Variants in TMCO6 observed in about 807,000 individuals in gnomAD.
TMCO6 encodes the protein transmembrane and coiled-coil domains 6, also known as transmembrane and coiled-coil domain-containing protein 6.
A neutral mutation model predicts 61.8 loss-of-function variants in TMCO6; 47 were observed. The ratio of observed to expected loss-of-function variants is 0.76; its 90% CI spans 0.60 to 0.97. TMCO6 has a LOEUF of 0.97. TMCO6 is among the 50% of genes least tolerant of loss of function. The pLI is 0.00. For synonymous variants in TMCO6, 261 were observed against 254.2 expected, an observed-to-expected ratio of 1.03 and a Z score of -0.25; for missense variants, 557 against 601.6, an observed-to-expected ratio of 0.93 and a Z score of 0.78.
chr5:140,604,503 T>G, the TMCO6 span, among the ~76,000 whole-genome samples: 2 of 151,990 alleles, frequency 1.3e-5, no homozygotes, highest in Non-Finnish European at 2.9e-5. Flanking sequence ...ATTTTCATAA[T>G]TTTCTCCTAT....
chr5:140,607,163 A>G, the TMCO6 span, among the ~76,000 whole-genome samples: 1 of 152,294 alleles, frequency 6.6e-6, no homozygotes, highest in Non-Finnish European at 1.5e-5. Context: ...CATCCTAAAC[A>G]GAAACTCTGT....
the TMCO6 span, among the ~76,000 whole-genome samples, chr5:140,610,377 T>C: frequency 2.5e-4 from 38 of 151,918 alleles, no homozygotes; most frequent in Non-Finnish European, 4.7e-4. Flanking sequence ...CAGAAAGTTT[T>C]AGTAGGAACA....
At chr5:140,613,891 TTTG>T in the TMCO6 span, among the ~76,000 whole-genome samples, 7 of 150,608 alleles carry the variant, frequency 4.6e-5, no homozygotes, top group East Asian at 2.0e-4. Context: ...ATCGTTTTTT[TTTG>T]TTGTTGTTGT....
the TMCO6 span, chr5:140,632,963 C>T: frequency 2.5e-6 from 4 of 1,614,030 alleles, no homozygotes; most frequent in African/African-American, 5.3e-5. This position sits in a 1 kb window ranked among gnomAD's most constrained non-coding sequence, Gnocchi z 6.2. Flanking sequence ...GCAGCAGCAA[C>T]AAGCAGGACG....
chr5:140,639,355 C>T, upstream of TMCO6: 1 of 635,688 alleles, frequency 1.6e-6, no homozygotes. Context: ...GCCCACCGTC[C>T]CCGCGAGGCG....
At position 140,643,958 on chromosome 5, in the gene TMCO6, A is replaced by T; in HGVS notation, c.1097A>T (p.Asn366Ile). ...CCTGAGGGCCTTTGGCTCCTCAACA[A>T]CCTCACTGGTACGCACCATAATCTG... is the stretch of plus-strand genomic sequence containing the variant. ...LLPEGLWLLN[N>I]LTANSPSFCT... Residue 366 changes from asparagine (N) to isoleucine (I), a missense_variant, in exon 9 of 12, where the codon AAC becomes ATC. Transcript: ENST00000394671. 1 of 1,613,980 alleles carries T rather than the reference A, an allele frequency of 6.2e-7. No homozygotes were observed. Among genetic ancestry groups the T allele is most frequent in the East Asian group, 2.2e-5 (1 of 44,878 alleles).
At chr5:140,645,701 CTT>C (rs756710673), downstream of TMCO6, 5 of 1,614,160 alleles carry the variant, frequency 3.1e-6, no homozygotes, top group Admixed American at 1.7e-5. Context: ...AGGGAGGTGT[CTT>C]TAACTATTCT....
rs777139234 is a variant in TMCO6, at chr5:140,641,979, A to G, written c.424A>G (p.Thr142Ala). Residue 142 changes from threonine to alanine, a missense_variant, in exon 4 of 12, where the codon ACT becomes GCT. By Grantham distance (58) the Thr-to-Ala change is moderately conservative. Transcript: ENST00000394671. Reference protein sequence around the residue: ...LHELSHSEQSTVAEACLPATS... With the variant: ...LHELSHSEQSAVAEACLPATS... ...TGAGCTCTCTCACTCCGAGCAGTCCACTGTTGCTGAGGCCTGCCTGCCAGC... is the reference window on the plus strand; with the variant it reads ...TGAGCTCTCTCACTCCGAGCAGTCCGCTGTTGCTGAGGCCTGCCTGCCAGC... The G allele has an allele frequency of 6.2e-7, 1 of 1,613,794 alleles. No homozygotes were observed.
chr5:140,609,400 A>G, the TMCO6 span: 1 of 244,558 alleles, frequency 4.1e-6, no homozygotes, highest in Non-Finnish European at 8.7e-6. Flanking sequence ...CCCACAAGGA[A>G]TGAGCCACCC....
At chr5:140,626,233 C>CT in the TMCO6 span, among the ~76,000 whole-genome samples, 79,003 of 149,176 alleles carry the variant, frequency 0.53, 20,995 homozygotes, top group African/African-American at 0.56. Flanking sequence ...GCCCAGTCTT[C>CT]TTTTTTTTTT....
the TMCO6 span, chr5:140,632,020 C>T: frequency 6.2e-7 from 1 of 1,614,210 alleles, no homozygotes. This position sits in a 1 kb window ranked among gnomAD's most constrained non-coding sequence, Gnocchi z 6.2. Context: ...GTCAGGTTAT[C>T]CACCTCGGGC....
chr5:140,629,942 A>AT, the TMCO6 span, among the ~76,000 whole-genome samples: 5 of 151,920 alleles, frequency 3.3e-5, no homozygotes, highest in African/African-American at 1.2e-4. Flanking sequence ...TCAAAAAAAA[A>AT]AAAAAAAGGA....
At chr5:140,616,698 T>C in the TMCO6 span, among the ~76,000 whole-genome samples, 4 of 152,142 alleles carry the variant, frequency 2.6e-5, no homozygotes, top group Non-Finnish European at 5.9e-5. Context: ...GGTTAATAAC[T>C]AGAATATATG....
At chr5:140,602,245 C>A in the TMCO6 span, among the ~76,000 whole-genome samples, 1 of 152,178 alleles carries the variant, frequency 6.6e-6, no homozygotes. Flanking sequence ...ACTTCCTACA[C>A]TTGCAATCTC....
At chr5:140,613,343 C>T in the TMCO6 span, among the ~76,000 whole-genome samples, 4 of 139,420 alleles carry the variant, frequency 2.9e-5, no homozygotes, top group East Asian at 7.1e-4. Context: ...GAGCCGAGAT[C>T]GTGCCACTGT....
chr5:140,639,559 C>A lies in TMCO6; in HGVS notation c.32C>A (p.Pro11His). Residue 11 changes from proline (P) to histidine (H), a missense_variant, in exon 1 of 12, where the codon CCC becomes CAC. Transcript: ENST00000394671. MWSRRQGRLR[P>H]TVCGVEELRR... is the part of the protein sequence containing the mutation. Reference sequence around the variant, plus strand: ...AGCCGACGGCAGGGCCGCCTCAGGCCCACGGTCTGCGGGGTGGAGGAGCTA... The same window carrying A: ...AGCCGACGGCAGGGCCGCCTCAGGCACACGGTCTGCGGGGTGGAGGAGCTA... 6.5e-7 allele frequency: 1 copy of A among 1,549,230 alleles called. No homozygotes were observed. Among genetic ancestry groups the A allele is most frequent in the East Asian group, 2.4e-5 (1 of 40,896 alleles).
At chr5:140,607,791 C>CTT in the TMCO6 span, among the ~76,000 whole-genome samples, 133 of 138,022 alleles carry the variant, frequency 9.6e-4, no homozygotes, top group African/African-American at 1.5e-3. Context: ...TTTCTATTTT[C>CTT]TTTTTTTTTT....
chr5:140,643,086 C>T, intron 7 of TMCO6, 45 bp downstream of exon 7: 1 of 1,612,970 alleles, frequency 6.2e-7, no homozygotes, highest in Non-Finnish European at 8.5e-7. Flanking sequence ...CCCTGGGGCT[C>T]CCTTCCATGA....
In TMCO6 at chr5:140,642,229, G is replaced by A. The variant is rs1581463151; in HGVS notation, c.499-86G>A. On this transcript the variant is annotated intron_variant, in intron 4 of 11. Coordinates refer to ENST00000394671, the MANE Select transcript of TMCO6 (RefSeq NM_018502.5). ...GAGCCGCAAGGATAGCTGCTCCAGC[G>A]TCCCCATCACCTCCCCTCCCCATCT... The A allele has an allele frequency of 2.3e-5, 33 of 1,408,748 alleles. 2 individuals carry two copies. The South Asian group carries it at 4.0e-4, about 17-fold the overall frequency. 87.3% of individuals were successfully genotyped at this position (1,408,748 alleles called of 1,614,324 possible).
Sources: gnomAD v4.1 joint callset for allele counts (sites outside exome capture counted in the v4.1 genomes callset) on GRCh38, gnomAD v4.1.1 for gene constraint, Gnocchi (gnomAD v3.1) non-coding constraint, MANE v1.5 for transcripts, NCBI Gene and HGNC (gene_info 2026-07-23, HGNC 2026-07-21) for gene names.